The following ADGRB3 variants were observed in gnomAD, a reference collection of about 807,000 sequenced individuals.
ADGRB3 encodes adhesion G protein-coupled receptor B3, also known as brain-specific angiogenesis inhibitor 3.
In ADGRB3, 37 loss-of-function variants were observed where a neutral mutation model predicts 193.4. The ratio of observed to expected loss-of-function variants is 0.19; its 90% CI spans 0.15 to 0.25. The LOEUF is 0.25. Among genes scored for constraint, ADGRB3 ranks in the 10% least tolerant of loss-of-function variants. ADGRB3 has a pLI of 1.00. For missense variants in ADGRB3, 1,637 were observed against 1,852.9 expected, an observed-to-expected ratio of 0.88 and a Z score of 2.14; for synonymous variants, 690 against 644.2, an observed-to-expected ratio of 1.07 and a Z score of -1.08.
chr6:69,289,692 T>G (rs1488672866), intron 20 of ADGRB3, among the ~76,000 whole-genome samples: 1 of 152,072 alleles, frequency 6.6e-6, no homozygotes, highest in Non-Finnish European at 1.5e-5. Context: ...GCTTTTCTGT[T>G]CCCATAAACA....
At chr6:69,282,768 C>T (rs1767463702) in intron 20 of ADGRB3, among the ~76,000 whole-genome samples, 1 of 152,108 alleles carries the variant, frequency 6.6e-6, no homozygotes. Flanking sequence ...AATCAATACT[C>T]GTAAATCACT....
At chr6:68,695,507 T>C (rs2127305136) in intron 3 of ADGRB3, among the ~76,000 whole-genome samples, 1 of 152,188 alleles carries the variant, frequency 6.6e-6, no homozygotes, top group African/African-American at 2.4e-5. Context: ...TGCTAGTGTT[T>C]GCTTTCTCAT....
intron 3 of ADGRB3, among the ~76,000 whole-genome samples, chr6:68,884,079 C>G (rs144572772): frequency 2.0e-4 from 30 of 152,328 alleles, no homozygotes; most frequent in African/African-American, 7.2e-4. Context: ...CACCTGAGCT[C>G]CTTCTCTCTC....
At chr6:68,715,981 T>C (rs987228220) in intron 3 of ADGRB3, among the ~76,000 whole-genome samples, 1 of 151,688 alleles carries the variant, frequency 6.6e-6, no homozygotes, top group Admixed American at 6.6e-5. Flanking sequence ...AGATTTAACC[T>C]GTCTAAACGT....
chr6:69,062,723 A>G (rs1252479955), intron 15 of ADGRB3, among the ~76,000 whole-genome samples: 2 of 151,988 alleles, frequency 1.3e-5, no homozygotes, highest in East Asian at 3.8e-4. Context: ...TTCTGCATCT[A>G]AAATGGTAAA....
chr6:69,253,655 C>G (rs768030703), intron 20 of ADGRB3, among the ~76,000 whole-genome samples: 2 of 152,100 alleles, frequency 1.3e-5, no homozygotes, highest in African/African-American at 2.4e-5. Flanking sequence ...GGCAAATACT[C>G]TGCTCCAAGC....
chr6:68,645,889 G>T (rs1041480283), intron 3 of ADGRB3, among the ~76,000 whole-genome samples: 2 of 151,756 alleles, frequency 1.3e-5, no homozygotes, highest in African/African-American at 4.8e-5. Context: ...AGCCAGGCTG[G>T]TCTCAAACTC....
intron 3 of ADGRB3, among the ~76,000 whole-genome samples, chr6:68,809,083 AT>A (rs1472272780): frequency 7.1e-5 from 9 of 126,918 alleles, no homozygotes; most frequent in Non-Finnish European, 1.0e-4. Flanking sequence ...TTTAAAAAAA[AT>A]TTTTTTGCAT....
chr6:68,670,383 G>A (rs894486788), intron 3 of ADGRB3, among the ~76,000 whole-genome samples: 2 of 151,976 alleles, frequency 1.3e-5, no homozygotes, highest in Non-Finnish European at 2.9e-5. Context: ...TTTTCTTGTA[G>A]TAGTTTCATA....
intron 3 of ADGRB3, among the ~76,000 whole-genome samples, chr6:68,818,806 A>G (rs1767687106): frequency 6.6e-6 from 1 of 152,122 alleles, no homozygotes. Flanking sequence ...AGGACGAGAA[A>G]GCAACTCTAT....
chr6:69,164,732 T>G lies in ADGRB3; in HGVS notation c.2481-68558T>G, dbSNP rs527777171. On this transcript the variant is annotated intron_variant, in intron 17 of 31. Transcript: ENST00000370598. ...TTCTTGTGGGCCAGTTAGAAGACAGTGAAATGAATGAGACAGCGTCCGTGA... is the reference window on the plus strand; with the variant it reads ...TTCTTGTGGGCCAGTTAGAAGACAGGGAAATGAATGAGACAGCGTCCGTGA... Among the ~76,000 whole-genome samples, 7 of 152,146 alleles carry G rather than the reference T, an allele frequency of 4.6e-5. No homozygotes were observed. The East Asian group carries it at 1.4e-3, about 29-fold the overall frequency.
intron 3 of ADGRB3, among the ~76,000 whole-genome samples, chr6:68,859,487 G>A (rs962640355): frequency 1.8e-4 from 28 of 152,150 alleles, no homozygotes; most frequent in African/African-American, 6.0e-4. Flanking sequence ...CCTGAGACTG[G>A]GTAATTTATA....
At chr6:69,043,291 A>AG (rs1771130832) in intron 13 of ADGRB3, among the ~76,000 whole-genome samples, 1 of 33,780 alleles carries the variant, frequency 3.0e-5, no homozygotes, top group Non-Finnish European at 6.4e-5. Context: ...GAAGAAAGAG[A>AG]GAAAGAAAGA....
Position 68,639,057 on chromosome 6 carries a change from A to G in ADGRB3, c.382A>G (p.Ile128Val). The change falls in exon 3 of 32, where the codon ATT becomes GTT. Residue 128 changes from isoleucine to valine, a missense_variant. Ile to Val is a conservative substitution (Grantham distance 29). This residue lies in a region of ADGRB3 where 365 missense variants were observed against 409.8 expected (regional missense o/e 0.89). Coordinates refer to ENST00000370598, the MANE Select transcript of ADGRB3 (RefSeq NM_001704.3). The part of the protein sequence containing the change: ...FVFLQYDKNF[I>V]QIRRVFPTNF... ...TTTTCTACAGTATGATAAAAATTTTATTCAAATACGTCGAGTATTTCCAAC... is the reference window on the plus strand; with the variant it reads ...TTTTCTACAGTATGATAAAAATTTTGTTCAAATACGTCGAGTATTTCCAAC... 1 of 1,613,726 alleles carries G rather than the reference A, an allele frequency of 6.2e-7. No individual in the cohort carries two copies.
chr6:69,344,491 A>G (rs1481572946), intron 26 of ADGRB3, among the ~76,000 whole-genome samples: 1 of 152,222 alleles, frequency 6.6e-6, no homozygotes, highest in Non-Finnish European at 1.5e-5. Context: ...GTGAATATGT[A>G]AAAAAGACAA....
At chr6:69,040,392 T>TTTCTTTCTTTCCTTCC (rs1562133338) in intron 13 of ADGRB3, among the ~76,000 whole-genome samples, 2 of 147,304 alleles carry the variant, frequency 1.4e-5, no homozygotes, top group East Asian at 4.0e-4. Flanking sequence ...TCTCTCTTTC[T>TTTCTTTCTTTCCTTCC]TTCCTTCACG....
chr6:68,779,852 T>C (rs543908772), intron 3 of ADGRB3, among the ~76,000 whole-genome samples: 1 of 152,212 alleles, frequency 6.6e-6, no homozygotes, highest in Non-Finnish European at 1.5e-5. Context: ...CTACTTCTTA[T>C]TCTAGCTATT....
chr6:69,337,022 A>G (rs1342942342), intron 24 of ADGRB3, among the ~76,000 whole-genome samples: 1 of 152,206 alleles, frequency 6.6e-6, no homozygotes, highest in African/African-American at 2.4e-5. Flanking sequence ...TTAGACTCAA[A>G]TAAATATCAA....
At chr6:69,267,587 G>T (rs1209246743) in intron 20 of ADGRB3, among the ~76,000 whole-genome samples, 1 of 152,098 alleles carries the variant, frequency 6.6e-6, no homozygotes, top group African/African-American at 2.4e-5. Flanking sequence ...ACAGTTTTGA[G>T]CTATGAACCT....
Sources: allele counts gnomAD v4.1 joint callset (sites outside exome capture counted in the v4.1 genomes callset), GRCh38; gene constraint gnomAD v4.1.1; regional missense constraint gnomAD v4.1.1; transcripts MANE v1.5; gene names NCBI Gene and HGNC (gene_info 2026-07-23, HGNC 2026-07-21).